The following WNT5B variants were observed in gnomAD, a reference collection of about 807,000 sequenced individuals.
WNT5B encodes the protein protein Wnt-5b.
A neutral mutation model predicts 36.5 loss-of-function variants in WNT5B; 18 were observed. The ratio of observed to expected loss-of-function variants is 0.49; its 90% CI spans 0.34 to 0.73. The LOEUF (loss-of-function observed/expected upper bound fraction) is 0.73. WNT5B is among the 30% of genes least tolerant of loss of function. The pLI is 0.01. For missense variants in WNT5B, 424 were observed against 508.4 expected, an observed-to-expected ratio of 0.83 and a Z score of 1.60; for synonymous variants, 213 against 212.3, an observed-to-expected ratio of 1.00 and a Z score of -0.03.
upstream of WNT5B, among the ~76,000 whole-genome samples, chr12:1,627,531 TC>T (rs2154439420): frequency 6.6e-6 from 1 of 152,324 alleles, no homozygotes; most frequent in African/African-American, 2.4e-5. This position sits in a 1 kb window ranked among gnomAD's most constrained non-coding sequence, Gnocchi z 5.0. Context: ...TCCCGGTCTC[TC>T]TTTTTGGTCT....
rs2094548857 is a variant in WNT5B at position 1,630,638 on chromosome 12, C to T, written c.-57-660C>T. ...CCTAGGGAGGCACCACCTCAGCCGCCAGAGCTTTCCGGGCGGGCGGTTCGC... is the reference window on the plus strand; with the variant it reads ...CCTAGGGAGGCACCACCTCAGCCGCTAGAGCTTTCCGGGCGGGCGGTTCGC... On this transcript the variant is annotated intron_variant, in intron 1 of 4. Coordinates refer to ENST00000397196, the MANE Select transcript of WNT5B (RefSeq NM_032642.3). The surrounding 1 kb of genome is among the most constrained non-coding windows in gnomAD (Gnocchi z 5.3). Among the ~76,000 whole-genome samples, 2 of 152,212 alleles carry T rather than the reference C, an allele frequency of 1.3e-5. No individual in the cohort carries two copies. The highest frequency in any genetic ancestry group is 2.9e-5 in the Non-Finnish European group (2 of 68,038).
At chr12:1,640,927 C>T (rs528837596) in intron 4 of WNT5B, among the ~76,000 whole-genome samples, 3 of 152,334 alleles carry the variant, frequency 2.0e-5, no homozygotes, top group South Asian at 2.1e-4. Context: ...GAAAGGTCTG[C>T]GGTCTGAGCA....
rs752921592 is a variant in WNT5B, at chr12:1,632,757, G to A, written c.180G>A (p.Lys60=). ...QLPGLSPGQR[K]LCQLYQEHMA... is the part of the protein sequence containing the mutation. The stretch of plus-strand genomic sequence containing the variant: ...CCGGGCTCTCCCCTGGCCAGAGGAA[G>A]CTGTGCCAATTGTACCAGGAGCACA... Residue 60 remains lysine (K), a synonymous_variant, in exon 3 of 5, where the codon AAG becomes AAA. Coordinates refer to ENST00000397196, the MANE Select transcript of WNT5B (RefSeq NM_032642.3). This position sits in a 1 kb window ranked among gnomAD's most constrained non-coding sequence, Gnocchi z 5.8. 18 of 1,614,190 alleles carry A rather than the reference G, an allele frequency of 1.1e-5. No homozygotes were observed. In the Admixed American group the frequency reaches 2.8e-4, roughly 25 times the overall value.
chr12:1,631,318 G>A lies in WNT5B; in HGVS notation c.-37G>A. On this transcript the variant is annotated 5_prime_UTR_variant, in exon 2 of 5. Coordinates refer to ENST00000397196, the MANE Select transcript of WNT5B (RefSeq NM_032642.3). Reference sequence around the variant, plus strand: ...TCCAGGGAACCCTACTCTGGAAACTGTCAGTCCCAGGGCACTGGGGAGGGC... The same window carrying A: ...TCCAGGGAACCCTACTCTGGAAACTATCAGTCCCAGGGCACTGGGGAGGGC... 1 of 1,611,910 alleles carries A rather than the reference G, an allele frequency of 6.2e-7. No homozygotes were observed. Among genetic ancestry groups the A allele is most frequent in the South Asian group, 1.1e-5 (1 of 91,016 alleles).
intron 4 of WNT5B, 66 bp downstream of exon 4, chr12:1,640,042 C>A: frequency 6.6e-7 from 1 of 1,517,080 alleles, no homozygotes; most frequent in Non-Finnish European, 8.8e-7. Flanking sequence ...GGCTGTGCCA[C>A]CAGCCGTGGC....
chr12:1,643,386 C>T (rs1307278695), intron 4 of WNT5B, among the ~76,000 whole-genome samples: 7 of 151,982 alleles, frequency 4.6e-5, no homozygotes, highest in South Asian at 2.1e-4. Flanking sequence ...TTTTTTGAGA[C>T]GGAGTTTCGC....
At chr12:1,645,406 A>G (rs2094583495) in intron 4 of WNT5B, among the ~76,000 whole-genome samples, 1 of 151,952 alleles carries the variant, frequency 6.6e-6, no homozygotes, top group Non-Finnish European at 1.5e-5. Flanking sequence ...GCCTGGCTGT[A>G]TTTTGTTGGT....
At position 1,633,819 on chromosome 12, in the gene WNT5B, T is replaced by TTTC. The variant is rs1439602827; in HGVS notation, c.328+918_328+920dup. Reference sequence around the variant, plus strand: ...GGGAGGGGAGTTGGGGAGGTAGAGATTTCTTCGTGCTCCTCTCTTAGGGAG... The same window carrying TTTC: ...GGGAGGGGAGTTGGGGAGGTAGAGATTTCTTCTTCGTGCTCCTCTCTTAGGGAG... On this transcript the variant is annotated intron_variant, in intron 3 of 4. Coordinates refer to ENST00000397196, the MANE Select transcript of WNT5B (RefSeq NM_032642.3). The surrounding 1 kb of genome is among the most constrained non-coding windows in gnomAD (Gnocchi z 4.8). Among the ~76,000 whole-genome samples the TTTC allele has an allele frequency of 1.3e-5, 2 of 152,046 alleles. No homozygotes were observed. Among genetic ancestry groups the TTTC allele is most frequent in the Non-Finnish European group, 2.9e-5 (2 of 68,004 alleles).
chr12:1,623,187 G>GTGTTTTTTTT (rs2094536311), intron 1 of WNT5B, among the ~76,000 whole-genome samples: 1 of 58,366 alleles, frequency 1.7e-5, no homozygotes, highest in African/African-American at 7.2e-5. Flanking sequence ...GTTTTTTGTT[G>GTGTTTTTTTT]TTTTTTTTTT....
chr12:1,635,041 C>A (rs2094558124), intron 3 of WNT5B, among the ~76,000 whole-genome samples: 1 of 152,136 alleles, frequency 6.6e-6, no homozygotes, highest in Admixed American at 6.6e-5. Flanking sequence ...ATTCTGAAGC[C>A]CCGAATTATC....
At position 1,630,254 on chromosome 12, in the gene WNT5B, G is replaced by A. The variant is rs2094547867; in HGVS notation, c.-58+883G>A. On this transcript the variant is annotated intron_variant, in intron 1 of 4. Transcript: ENST00000397196. This position sits in a 1 kb window ranked among gnomAD's most constrained non-coding sequence, Gnocchi z 5.3. The stretch of plus-strand genomic sequence containing the variant: ...CCGGGGCCCCGGGGAGGCCGCTGGG[G>A]GCGCGGGTCACGCCCAGACGGGGGC... The A allele has an allele frequency of 1.0e-6, 1 of 984,892 alleles. No individual in the cohort carries two copies. The allele number at this position is 984,892 out of a possible 1,614,324, so 61.0% of individuals were successfully genotyped here. A position where few individuals can be genotyped will look rare whatever the true frequency, so the allele number is the denominator to read the frequency against.
chr12:1,621,688 T>C (rs898969827), intron 1 of WNT5B, among the ~76,000 whole-genome samples: 1 of 148,620 alleles, frequency 6.7e-6, no homozygotes, highest in Non-Finnish European at 1.5e-5. Context: ...ATTACAGACA[T>C]GTGCCACCAT....
intron 1 of WNT5B, among the ~76,000 whole-genome samples, chr12:1,620,858 C>T (rs950505822): frequency 8.6e-5 from 13 of 151,238 alleles, no homozygotes; most frequent in Admixed American, 6.6e-5. Context: ...CATGCGCCAC[C>T]ACCCCTGGCT....
intron 4 of WNT5B, among the ~76,000 whole-genome samples, chr12:1,640,359 T>C (rs1187939407): frequency 6.6e-6 from 1 of 152,170 alleles, no homozygotes; most frequent in Non-Finnish European, 1.5e-5. Flanking sequence ...CCGTTAGACC[T>C]CATCTAGGGT....
In WNT5B at chr12:1,646,277, C is replaced by A. The variant is rs1323044459; in HGVS notation, c.*25C>A. ...GCCCGGAGGGCCTGCTCCCGGCCCC[C>A]CTGCACTCTGCCTCACAAAGGTCTA... On this transcript the variant is annotated 3_prime_UTR_variant, in exon 5 of 5. Coordinates refer to ENST00000397196, the MANE Select transcript of WNT5B (RefSeq NM_032642.3). 2 of 1,575,126 alleles carry A rather than the reference C, an allele frequency of 1.3e-6. No homozygotes were observed. Among genetic ancestry groups the A allele is most frequent in the South Asian group, 1.2e-5 (1 of 86,780 alleles).
chr12:1,643,665 G>A (rs1024912106), intron 4 of WNT5B, among the ~76,000 whole-genome samples: 6 of 130,520 alleles, frequency 4.6e-5, no homozygotes, highest in Non-Finnish European at 8.0e-5. Flanking sequence ...CATGCCCGGC[G>A]AACTAAAACA....
intron 4 of WNT5B, among the ~76,000 whole-genome samples, chr12:1,642,478 G>A (rs551013575): frequency 6.6e-6 from 1 of 152,286 alleles, no homozygotes; most frequent in South Asian, 2.1e-4. Context: ...GTTCCTGTGG[G>A]CAGGGATTGC....
rs759613359 is a variant in WNT5B, at chr12:1,632,754, G to A, written c.177G>A (p.Arg59=). The A allele has an allele frequency of 6.2e-7, 1 of 1,614,180 alleles. No individual in the cohort carries two copies. Among genetic ancestry groups the A allele is most frequent in the Admixed American group, 1.7e-5 (1 of 60,026 alleles). The change falls in exon 3 of 5, where the codon AGG becomes AGA. Residue 59 remains arginine, a synonymous_variant. Transcript: ENST00000397196. The surrounding 1 kb of genome is among the most constrained non-coding windows in gnomAD (Gnocchi z 5.8). Reference sequence around the variant, plus strand: ...TTCCCGGGCTCTCCCCTGGCCAGAGGAAGCTGTGCCAATTGTACCAGGAGC... The same window carrying A: ...TTCCCGGGCTCTCCCCTGGCCAGAGAAAGCTGTGCCAATTGTACCAGGAGC... The part of the protein sequence containing the change: ...SQLPGLSPGQ[R]KLCQLYQEHM...
intron 3 of WNT5B, among the ~76,000 whole-genome samples, chr12:1,636,336 C>T (rs2094560542): frequency 6.6e-6 from 1 of 151,422 alleles, no homozygotes; most frequent in South Asian, 2.1e-4. Context: ...TGTCACTCTG[C>T]GTACCCCAAC....
Sources: gnomAD v4.1 joint callset for allele counts (sites outside exome capture counted in the v4.1 genomes callset) on GRCh38, gnomAD v4.1.1 for gene constraint, Gnocchi (gnomAD v3.1) non-coding constraint, MANE v1.5 for transcripts, NCBI Gene and HGNC (gene_info 2026-07-23, HGNC 2026-07-21) for gene names.